The following PDE4D variants were observed in gnomAD, a reference collection of about 807,000 sequenced individuals.
The protein encoded by PDE4D is 3',5'-cyclic-AMP phosphodiesterase 4D.
In PDE4D, 24 loss-of-function variants were observed where a neutral mutation model predicts 87.4. The observed-to-expected ratio is 0.27, with a 90% CI of 0.20 to 0.39. The LOEUF (loss-of-function observed/expected upper bound fraction) is 0.39, where lower values mean the gene tolerates loss of function less well. Among genes scored for constraint, PDE4D ranks in the 10% least tolerant of loss-of-function variants. The pLI, the probability that PDE4D is intolerant of heterozygous loss-of-function variation, is 1.00. For missense variants in PDE4D, 714 were observed against 1,041.0 expected, an observed-to-expected ratio of 0.69 and a Z score of 4.32; for synonymous variants, 384 against 383.2, an observed-to-expected ratio of 1.00 and a Z score of -0.02.
chr5:59,192,533 A>C (rs941744589), intron 3 of PDE4D, among the ~76,000 whole-genome samples: 1 of 152,174 alleles, frequency 6.6e-6, no homozygotes, highest in Non-Finnish European at 1.5e-5. Flanking sequence ...TAACTCTACC[A>C]GTTGAAAAAA....
At chr5:59,907,879 T>A (rs1230370581) in intron 3 of PDE4D, among the ~76,000 whole-genome samples, 2 of 152,032 alleles carry the variant, frequency 1.3e-5, no homozygotes, top group Non-Finnish European at 2.9e-5. Context: ...AATTGCTGTT[T>A]GTTCTCAGCC....
intron 1 of PDE4D, among the ~76,000 whole-genome samples, chr5:60,483,291 G>A (rs1748875486): frequency 6.6e-6 from 1 of 152,142 alleles, no homozygotes; most frequent in East Asian, 1.9e-4. Context: ...AGCATCCCAA[G>A]TAGCTGGGAC....
intron 11 of PDE4D, among the ~76,000 whole-genome samples, chr5:58,979,486 A>G (rs1744596079): frequency 6.6e-6 from 1 of 152,160 alleles, no homozygotes; most frequent in African/African-American, 2.4e-5. Context: ...GACTGAAGGC[A>G]TATGGTCACA....
At chr5:58,977,117 C>A in intron 12 of PDE4D, 74 bp downstream of exon 12, 1 of 1,351,752 alleles carries the variant, frequency 7.4e-7, no homozygotes, top group Admixed American at 2.1e-5. Flanking sequence ...ACCTAATACT[C>A]ATCTTGTTCT....
chr5:59,437,874 A>G (rs1797011530), intron 1 of PDE4D, among the ~76,000 whole-genome samples: 1 of 152,178 alleles, frequency 6.6e-6, no homozygotes, highest in East Asian at 1.9e-4. Flanking sequence ...TTTATAAAGA[A>G]AAGAGGTTTA....
intron 1 of PDE4D, among the ~76,000 whole-genome samples, chr5:59,354,313 G>C (rs116113362): frequency 1.9e-4 from 29 of 152,122 alleles, no homozygotes; most frequent in African/African-American, 6.8e-4. Context: ...CTTTCACCGC[G>C]TAAGGATTTT....
At chr5:59,912,008 C>A (rs1753496558) in intron 3 of PDE4D, among the ~76,000 whole-genome samples, 1 of 151,998 alleles carries the variant, frequency 6.6e-6, no homozygotes, top group Non-Finnish European at 1.5e-5. Context: ...ATAGAATATT[C>A]TTTTTCCAAA....
intron 1 of PDE4D, among the ~76,000 whole-genome samples, chr5:59,697,508 T>G (rs903715633): frequency 6.6e-6 from 1 of 152,190 alleles, no homozygotes; most frequent in Admixed American, 6.5e-5. Context: ...ATTGTTATGT[T>G]CCTGCACTAC....
chr5:60,131,498 C>A (rs1779578931), intron 2 of PDE4D, among the ~76,000 whole-genome samples: 1 of 152,188 alleles, frequency 6.6e-6, no homozygotes, highest in Non-Finnish European at 1.5e-5. Flanking sequence ...CAATTCTAAA[C>A]CTAGACTTTA....
At chr5:59,865,819 T>G (rs1478330125) in intron 1 of PDE4D, among the ~76,000 whole-genome samples, 3 of 152,216 alleles carry the variant, frequency 2.0e-5, no homozygotes, top group Non-Finnish European at 2.9e-5. Context: ...GTTCTGCTAT[T>G]ACCACTGATG....
intron 2 of PDE4D, among the ~76,000 whole-genome samples, chr5:60,156,126 C>G (rs558917417): frequency 6.6e-6 from 1 of 152,182 alleles, no homozygotes. Flanking sequence ...CTGTCTGGAA[C>G]CTGGGCTAGC....
At chr5:59,731,566 T>A (rs1277068209) in intron 1 of PDE4D, among the ~76,000 whole-genome samples, 1 of 156 alleles carries the variant, frequency 6.4e-3, no homozygotes, top group Non-Finnish European at 0.021. Context: ...CATTTTAAAC[T>A]GACAAAAAAA....
chr5:59,301,829 G>T (rs1162646647), intron 1 of PDE4D, among the ~76,000 whole-genome samples: 1 of 152,030 alleles, frequency 6.6e-6, no homozygotes, highest in African/African-American at 2.4e-5. Flanking sequence ...CAATTGTCAG[G>T]GGCCTCCTTG....
At chr5:59,701,864 T>C (rs1371161534) in intron 1 of PDE4D, among the ~76,000 whole-genome samples, 3 of 152,158 alleles carry the variant, frequency 2.0e-5, no homozygotes, top group Non-Finnish European at 4.4e-5. Flanking sequence ...CATCCAGACC[T>C]GAGGCCCAGC....
intron 1 of PDE4D, among the ~76,000 whole-genome samples, chr5:60,309,170 G>A (rs1205081731): frequency 6.6e-6 from 1 of 151,902 alleles, no homozygotes; most frequent in East Asian, 1.9e-4. Context: ...ATCAATAAAT[G>A]TCATTTATGT....
intron 2 of PDE4D, among the ~76,000 whole-genome samples, chr5:60,093,845 T>A (rs1413253846): frequency 6.6e-6 from 1 of 152,156 alleles, no homozygotes; most frequent in Non-Finnish European, 1.5e-5. Flanking sequence ...TCTGCAGATA[T>A]AAATATATAA....
At chr5:60,432,743 T>A (rs1466671506) in intron 1 of PDE4D, among the ~76,000 whole-genome samples, 2 of 152,088 alleles carry the variant, frequency 1.3e-5, no homozygotes, top group Non-Finnish European at 2.9e-5. Context: ...CATAGACCAC[T>A]GGAACAGAAT....
At chr5:59,867,386 T>G (rs902313257) in intron 1 of PDE4D, among the ~76,000 whole-genome samples, 2 of 152,118 alleles carry the variant, frequency 1.3e-5, no homozygotes, top group South Asian at 4.1e-4. Flanking sequence ...AAATTAAAAC[T>G]GCAATTAGAC....
intron 3 of PDE4D, among the ~76,000 whole-genome samples, chr5:59,937,621 C>G (rs904419143): frequency 6.6e-6 from 1 of 152,158 alleles, no homozygotes; most frequent in African/African-American, 2.4e-5. Flanking sequence ...AAACTCTTCC[C>G]CTTCTTATAA....
Sources: allele counts gnomAD v4.1 joint callset (sites outside exome capture counted in the v4.1 genomes callset), GRCh38; gene constraint gnomAD v4.1.1; transcripts MANE v1.5; gene names NCBI Gene and HGNC (gene_info 2026-07-23, HGNC 2026-07-21).